KCNC2: variants seen among roughly 807,000 people sequenced by gnomAD.
The protein encoded by KCNC2 is voltage-gated potassium channel KCNC2.
KCNC2 carries 21 observed loss-of-function variants against 44.5 expected under a neutral mutation model. The ratio of observed to expected loss-of-function variants is 0.47; its 90% CI spans 0.33 to 0.68. The LOEUF (loss-of-function observed/expected upper bound fraction) is 0.68, where lower values mean the gene tolerates loss of function less well. Ranked by LOEUF, KCNC2 falls within the 30% of genes least tolerant of loss-of-function variation. The probability of loss-of-function intolerance (pLI) is 0.01; values close to 1 mark genes in which losing one functional copy is unlikely to be tolerated. For synonymous variants in KCNC2, 391 were observed against 339.1 expected (o/e 1.15, Z -1.68); for missense variants, 589 against 826.2 (o/e 0.71, Z 3.52).
chr12:75,173,020 C>G (rs1891936913), intron 2 of KCNC2, among the ~76,000 whole-genome samples: 1 of 151,852 alleles, frequency 6.6e-6, no homozygotes, highest in African/African-American at 2.4e-5. Context: ...ATTTTATGAT[C>G]AAACTCAAAT....
chr12:75,193,499 T>C (rs1565684040), intron 2 of KCNC2, among the ~76,000 whole-genome samples: 1 of 152,136 alleles, frequency 6.6e-6, no homozygotes, highest in African/African-American at 2.4e-5. Context: ...CTATAGAATT[T>C]GCCCTTAGAA....
At chr12:75,093,261 C>T (rs1028065820) in intron 2 of KCNC2, among the ~76,000 whole-genome samples, 4 of 151,466 alleles carry the variant, frequency 2.6e-5, no homozygotes, top group Admixed American at 1.3e-4. Flanking sequence ...ATCTGTTCTC[C>T]TTTATCACAA....
At chr12:75,171,621 G>A (rs981325814) in intron 2 of KCNC2, among the ~76,000 whole-genome samples, 1 of 151,836 alleles carries the variant, frequency 6.6e-6, no homozygotes, top group Non-Finnish European at 1.5e-5. Context: ...GGATATCAGA[G>A]GCTAGTGGGG....
chr12:75,081,403 C>A (rs1884491140), intron 2 of KCNC2, among the ~76,000 whole-genome samples: 1 of 128,714 alleles, frequency 7.8e-6, no homozygotes, highest in Non-Finnish European at 1.6e-5. Flanking sequence ...ACTATTTAAA[C>A]ATTCATTTTT....
Position 75,061,566 on chromosome 12 carries a change from TACACACACACACACAC to T in KCNC2, c.688-10265_688-10250del, listed in dbSNP as rs59052402. ...GGTGCTGAGAAATATAAGTGACAAGTACACACACACACACACACACACACACACACACACACACACA... is the reference window on the plus strand; with the variant it reads ...GGTGCTGAGAAATATAAGTGACAAGTACACACACACACACACACACACACA... On this transcript the variant is annotated intron_variant, in intron 2 of 4. Coordinates refer to ENST00000549446, the MANE Select transcript of KCNC2 (RefSeq NM_139137.4). 2.9e-4 allele frequency among the ~76,000 whole-genome samples: 41 copies of T among 143,442 alleles called. 1 individual carries two copies. The highest frequency in any genetic ancestry group is 2.3e-3 in the South Asian group (10 of 4,326). The allele number at this position is 143,442 out of a possible 152,430, so 94.1% of individuals were successfully genotyped here.
rs988790004 is a variant in KCNC2, at chr12:75,041,400, T to C, written c.*1705A>G. On this transcript the variant is annotated 3_prime_UTR_variant, in exon 5 of 5. Coordinates refer to ENST00000549446, the MANE Select transcript of KCNC2 (RefSeq NM_139137.4). ...GGTCATGCTCTAGGACTTGGGGATATAGAGTAATACATGTTTCGTGGCCAA... is the reference window on the plus strand; with the variant it reads ...GGTCATGCTCTAGGACTTGGGGATACAGAGTAATACATGTTTCGTGGCCAA... The C allele has an allele frequency of 1.5e-5, 21 of 1,386,276 alleles. No homozygotes were observed. In the Admixed American group the frequency reaches 2.0e-4, roughly 13 times the overall value. The allele number at this position is 1,386,276 out of a possible 1,614,324, so 85.9% of individuals were successfully genotyped here.
Position 75,207,188 on chromosome 12 carries a change from G to T in KCNC2, c.687+109C>A. On this transcript the variant is annotated intron_variant, in intron 2 of 4. Transcript: ENST00000549446. The surrounding 1 kb of genome is among the most constrained non-coding windows in gnomAD (Gnocchi z 4.1). ...TAACTGTATCGCTAGGAAATCCCGG[G>T]TCTCTTCTACCCCCCATGCCTGAGG... The T allele has an allele frequency of 1.4e-6, 2 of 1,454,682 alleles. No homozygotes were observed. The highest frequency in any genetic ancestry group is 2.9e-5 in the Admixed American group (1 of 34,530). 90.1% of individuals were successfully genotyped at this position (1,454,682 alleles called of 1,614,324 possible). A position where few individuals can be genotyped will look rare whatever the true frequency, so the allele number is the denominator to read the frequency against.
intron 2 of KCNC2, among the ~76,000 whole-genome samples, chr12:75,074,926 A>C (rs1473880645): frequency 6.6e-6 from 1 of 152,196 alleles, no homozygotes; most frequent in East Asian, 1.9e-4. Context: ...GGAAGAGCTT[A>C]CTTGAATCAA....
chr12:75,175,911 A>G (rs556660750), intron 2 of KCNC2, among the ~76,000 whole-genome samples: 1 of 152,238 alleles, frequency 6.6e-6, no homozygotes, highest in South Asian at 2.1e-4. Context: ...AGTGAAAACA[A>G]TAGCATAACA....
intron 2 of KCNC2, among the ~76,000 whole-genome samples, chr12:75,061,539 T>G (rs939874259): frequency 4.7e-5 from 7 of 148,816 alleles, no homozygotes; most frequent in African/African-American, 1.7e-4. Context: ...AACAAACTAC[T>G]GGGTGCTGAG....
chr12:75,118,984 T>A (rs1039878654), intron 2 of KCNC2, among the ~76,000 whole-genome samples: 1 of 152,172 alleles, frequency 6.6e-6, no homozygotes, highest in Admixed American at 6.5e-5. Flanking sequence ...GCCTACACCT[T>A]ACTTTTGATC....
Position 75,109,527 on chromosome 12 carries a change from T to C in KCNC2, c.688-58210A>G, listed in dbSNP as rs537274247. On this transcript the variant is annotated intron_variant, in intron 2 of 4. Coordinates refer to ENST00000549446, the MANE Select transcript of KCNC2 (RefSeq NM_139137.4). The stretch of plus-strand genomic sequence containing the variant: ...GGGCTATACTGTTAACTGTCTTTGA[T>C]GCTAAACAAATATTAAGGCTTGCGC... 3.9e-5 allele frequency among the ~76,000 whole-genome samples: 6 copies of C among 152,312 alleles called. No homozygotes were observed. In the South Asian group the frequency reaches 1.2e-3, roughly 32 times the overall value.
At chr12:75,072,263 C>G (rs1329903947) in intron 2 of KCNC2, among the ~76,000 whole-genome samples, 1 of 152,110 alleles carries the variant, frequency 6.6e-6, no homozygotes, top group Non-Finnish European at 1.5e-5. Flanking sequence ...GTCGCCTTGA[C>G]AGTTTTGAGC....
At chr12:75,191,536 T>TAA (rs2030246645) in intron 2 of KCNC2, among the ~76,000 whole-genome samples, 1 of 29,206 alleles carries the variant, frequency 3.4e-5, no homozygotes, top group South Asian at 1.3e-3. Flanking sequence ...TATTTTTTTT[T>TAA]TTTTTTTTTT....
intron 2 of KCNC2, among the ~76,000 whole-genome samples, chr12:75,105,915 C>CTT (rs200100425): frequency 6.2e-5 from 9 of 144,936 alleles, no homozygotes; most frequent in South Asian, 4.4e-4. Context: ...AAATTTCTTT[C>CTT]TTTTTTTTTT....
In KCNC2 at chr12:75,049,358, T is replaced by C. The variant is rs548766589; in HGVS notation, c.1615+1032A>G. 4.1e-4 allele frequency among the ~76,000 whole-genome samples: 63 copies of C among 152,236 alleles called. 1 individual carries two copies. Among genetic ancestry groups the C allele is most frequent in the African/African-American group, 1.2e-3 (51 of 41,562 alleles). ...ATCATTCACATAAAATCATCATAAG[T>C]CATTTTTCTGTAAGAAAAAATGAAA... On this transcript the variant is annotated intron_variant, in intron 3 of 4. Coordinates refer to ENST00000549446, the MANE Select transcript of KCNC2 (RefSeq NM_139137.4).
chr12:75,172,580 C>T (rs560052772), intron 2 of KCNC2, among the ~76,000 whole-genome samples: 1 of 151,940 alleles, frequency 6.6e-6, no homozygotes, highest in South Asian at 2.1e-4. Flanking sequence ...TAAATCAGCC[C>T]ATGCATCTCT....
At chr12:75,160,637 A>C (rs1390741811) in intron 2 of KCNC2, among the ~76,000 whole-genome samples, 1 of 151,866 alleles carries the variant, frequency 6.6e-6, no homozygotes, top group Admixed American at 6.6e-5. Context: ...CATCTGTAAA[A>C]AGATGAAGGC....
chr12:75,069,156 C>T (rs1224520401), intron 2 of KCNC2, among the ~76,000 whole-genome samples: 7 of 3,698 alleles, frequency 1.9e-3, no homozygotes, highest in South Asian at 0.018. Flanking sequence ...TTTTTTGAGA[C>T]GGAATTTCAC....
Sources: gnomAD v4.1 joint callset for allele counts (sites outside exome capture counted in the v4.1 genomes callset) on GRCh38, gnomAD v4.1.1 for gene constraint, Gnocchi (gnomAD v3.1) non-coding constraint, MANE v1.5 for transcripts, NCBI Gene and HGNC (gene_info 2026-07-23, HGNC 2026-07-21) for gene names.